FAM178B: variants seen among roughly 807,000 people sequenced by gnomAD.
FAM178B encodes the protein protein FAM178B.
Under a neutral mutation model 91.7 loss-of-function variants are expected in FAM178B, and 82 were observed. The observed-to-expected ratio is 0.89, with a 90% CI of 0.75 to 1.07. FAM178B has a LOEUF of 1.07. Among genes scored for constraint, FAM178B ranks in the 50% least tolerant of loss-of-function variants. FAM178B has a pLI of 0.00. For synonymous variants in FAM178B, 368 were observed against 359.4 expected (o/e 1.02, Z -0.27); for missense variants, 769 against 846.7 (o/e 0.91, Z 1.14).
In FAM178B at chr2:96,876,294, G is replaced by A. The variant is rs1299430771; in HGVS notation, c.2022C>T (p.Ser674=). 1.9e-6 allele frequency: 3 copies of A among 1,606,714 alleles called. No individual in the cohort carries two copies. Among genetic ancestry groups the A allele is most frequent in the Non-Finnish European group, 2.5e-6 (3 of 1,177,596 alleles). ...TGTCCCTTTAGATGTCTTTCCAGGGGCTGAAATACTGGGCCTGCGGCGAGG... is the reference window on the plus strand; with the variant it reads ...TGTCCCTTTAGATGTCTTTCCAGGGACTGAAATACTGGGCCTGCGGCGAGG... ...THCQPQAQYF[S]PWKDI Residue 674 remains serine (S), a synonymous_variant, in exon 17 of 17, where the codon AGC becomes AGT. Transcript: ENST00000490605.
rs933891287 is a variant in FAM178B, at chr2:96,875,989, G to A, written c.*287C>T. ...TGAGGCCCAGGGAAACCAGAGCTATGGAGACAGAGGCCTTAGGGAAGAGGA... is the reference window on the plus strand; with the variant it reads ...TGAGGCCCAGGGAAACCAGAGCTATAGAGACAGAGGCCTTAGGGAAGAGGA... On this transcript the variant is annotated 3_prime_UTR_variant, in exon 17 of 17. Coordinates refer to ENST00000490605, the MANE Select transcript of FAM178B (RefSeq NM_001122646.3). 3 of 493,420 alleles carry A rather than the reference G, an allele frequency of 6.1e-6. No homozygotes were observed. The highest frequency in any genetic ancestry group is 1.1e-5 in the Non-Finnish European group (3 of 273,800). The allele number at this position is 493,420 out of a possible 1,614,324, so 30.6% of individuals were successfully genotyped here. A position where few individuals can be genotyped will look rare whatever the true frequency, so the allele number is the denominator to read the frequency against.
Position 96,877,975 on chromosome 2 carries a change from TG to T in FAM178B, c.1921del (p.Gln641ArgfsTer23). The T allele has an allele frequency of 6.2e-7, 1 of 1,613,700 alleles. No homozygotes were observed. On this transcript the variant is annotated frameshift_variant, in exon 16 of 17. Coordinates refer to ENST00000490605, the MANE Select transcript of FAM178B (RefSeq NM_001122646.3). LOFTEE classifies it high-confidence loss of function. ...HISTQIRESP[Q>X]AMHRTMLKDL... ...CTTGAGCATGGTGCGGTGCATGGCC[TG>T]GGGGCTCTCCCGGATCTGCGTGCTG...
intron 14 of FAM178B, among the ~76,000 whole-genome samples, chr2:96,891,555 C>T (rs2080680926): frequency 7.2e-6 from 1 of 138,498 alleles, no homozygotes; most frequent in Non-Finnish European, 1.5e-5. Context: ...GGACGCAGTG[C>T]TAGAGACACT....
Position 96,911,231 on chromosome 2 carries a change from G to C in FAM178B, c.1563-8524C>G, listed in dbSNP as rs551803976. The stretch of plus-strand genomic sequence containing the variant: ...CCTGTCCCTCTGATGCTCACGGCCC[G>C]CGTCAGTGAGGGGGACAGCCTGATG... On this transcript the variant is annotated intron_variant, in intron 12 of 16. Coordinates refer to ENST00000490605, the MANE Select transcript of FAM178B (RefSeq NM_001122646.3). Among the ~76,000 whole-genome samples, 6 of 152,288 alleles carry C rather than the reference G, an allele frequency of 3.9e-5. 1 individual carries two copies. Among genetic ancestry groups the C allele is most frequent in the Admixed American group, 1.3e-4 (2 of 15,302 alleles).
chr2:96,950,837 C>T (rs1297852949), intron 7 of FAM178B, among the ~76,000 whole-genome samples: 6 of 152,172 alleles, frequency 3.9e-5, no homozygotes, highest in African/African-American at 1.4e-4. Flanking sequence ...CAACTGCACA[C>T]AGGAAGCACA....
intron 14 of FAM178B, among the ~76,000 whole-genome samples, chr2:96,885,218 G>A (rs943188937): frequency 2.0e-5 from 3 of 152,276 alleles, no homozygotes; most frequent in South Asian, 2.1e-4. Context: ...GCAGTGAATG[G>A]CCATTGAATG....
intron 8 of FAM178B, among the ~76,000 whole-genome samples, chr2:96,933,714 G>A (rs954844235): frequency 2.6e-5 from 4 of 152,168 alleles, no homozygotes; most frequent in Non-Finnish European, 5.9e-5. Context: ...CTGGGTGGCT[G>A]CACTGGGAGG....
intron 12 of FAM178B, among the ~76,000 whole-genome samples, chr2:96,914,326 G>GA (rs990249680): frequency 6.6e-6 from 1 of 152,208 alleles, no homozygotes; most frequent in Admixed American, 6.5e-5. Context: ...GAGAAGGGGG[G>GA]AGTCTCCTAC....
At chr2:96,921,722 T>A in intron 10 of FAM178B, 68 bp from the exon 11 acceptor site, 3 of 1,461,024 alleles carry the variant, frequency 2.1e-6, no homozygotes, top group Non-Finnish European at 2.8e-6. Flanking sequence ...CGAGGACCAG[T>A]TCCCTGGGAG....
intron 8 of FAM178B, among the ~76,000 whole-genome samples, chr2:96,941,321 C>T (rs1324883224): frequency 6.6e-6 from 1 of 152,114 alleles, no homozygotes; most frequent in Non-Finnish European, 1.5e-5. Context: ...AGATTGCTGG[C>T]CATCTTGTTT....
At chr2:96,984,655 A>G (rs1192014047) in intron 1 of FAM178B, among the ~76,000 whole-genome samples, 2 of 152,224 alleles carry the variant, frequency 1.3e-5, no homozygotes, top group African/African-American at 2.4e-5. Flanking sequence ...TGGCATTCCA[A>G]TTTTACCTGG....
At chr2:96,916,026 C>T (rs965282446) in intron 12 of FAM178B, among the ~76,000 whole-genome samples, 9 of 152,148 alleles carry the variant, frequency 5.9e-5, no homozygotes, top group African/African-American at 1.7e-4. Flanking sequence ...TATAATACTC[C>T]GTAGCACGGG....
At chr2:96,903,522 T>C (rs1287934780) in intron 12 of FAM178B, among the ~76,000 whole-genome samples, 2 of 152,254 alleles carry the variant, frequency 1.3e-5, no homozygotes, top group African/African-American at 4.8e-5. Context: ...GACAGGCACC[T>C]GACCCAGTCA....
At chr2:96,971,089 A>T (rs1407013801) in intron 3 of FAM178B, among the ~76,000 whole-genome samples, 1 of 151,482 alleles carries the variant, frequency 6.6e-6, no homozygotes, top group Admixed American at 6.6e-5. Context: ...ACACCACACC[A>T]CACAGCTTAT....
chr2:96,981,845 T>C (rs2082367075), intron 1 of FAM178B, among the ~76,000 whole-genome samples: 1 of 151,276 alleles, frequency 6.6e-6, no homozygotes, highest in Non-Finnish European at 1.5e-5. Context: ...GAAAGGCAGA[T>C]CGCTTGAGTC....
Position 96,986,440 on chromosome 2 carries a change from C to A in FAM178B, c.-127G>T. 1 of 1,165,684 alleles carries A rather than the reference C, an allele frequency of 8.6e-7. No individual in the cohort carries two copies. The highest frequency in any genetic ancestry group is 2.8e-5 in the Admixed American group (1 of 35,612). 72.2% of individuals were successfully genotyped at this position (1,165,684 alleles called of 1,614,324 possible). On this transcript the variant is annotated 5_prime_UTR_variant, in exon 1 of 17. Transcript: ENST00000490605. The stretch of plus-strand genomic sequence containing the variant: ...TCCCCAGGCGGCGCAGTGGGAGGAC[C>A]CCAAGAGTTGCGTCCCTAGATCCAG...
chr2:96,905,861 T>TATATGTGTATA (rs1491541308), intron 12 of FAM178B, among the ~76,000 whole-genome samples: 1 of 19,790 alleles, frequency 5.1e-5, no homozygotes, highest in Non-Finnish European at 7.8e-5. Context: ...TATATATATA[T>TATATGTGTATA]TTTTTTTTTT....
chr2:96,876,862 G>A (rs1427620394), intron 16 of FAM178B, among the ~76,000 whole-genome samples: 1 of 152,102 alleles, frequency 6.6e-6, no homozygotes, highest in African/African-American at 2.4e-5. Flanking sequence ...GCAGGGTGCT[G>A]TTTGTTGGAG....
chr2:96,959,523 C>T (rs1012101786), intron 6 of FAM178B, among the ~76,000 whole-genome samples: 2 of 152,204 alleles, frequency 1.3e-5, no homozygotes, highest in East Asian at 1.9e-4. Flanking sequence ...CTAAGGTGGC[C>T]GAAGAGACCA....
Sources: gnomAD v4.1 joint callset for allele counts (sites outside exome capture counted in the v4.1 genomes callset) on GRCh38, gnomAD v4.1.1 for gene constraint, MANE v1.5 for transcripts, NCBI Gene and HGNC (gene_info 2026-07-23, HGNC 2026-07-21) for gene names.